Variants in FAM78B observed in about 807,000 individuals in gnomAD.
The protein encoded by FAM78B is family with sequence similarity 78 member B.
FAM78B carries 10 observed loss-of-function variants against 20.0 expected under a neutral mutation model. The observed-to-expected ratio is 0.50, with a 90% CI of 0.31 to 0.85. The LOEUF (loss-of-function observed/expected upper bound fraction) is 0.85, where lower values mean the gene tolerates loss of function less well. FAM78B is among the 40% of genes least tolerant of loss of function. FAM78B has a pLI of 0.05. For missense variants in FAM78B, 283 were observed against 345.0 expected, an observed-to-expected ratio of 0.82 and a Z score of 1.42; for synonymous variants, 135 against 132.8, an observed-to-expected ratio of 1.02 and a Z score of -0.12.
intron 1 of FAM78B, among the ~76,000 whole-genome samples, chr1:166,161,742 G>C (rs548006436): frequency 6.6e-6 from 1 of 152,204 alleles, no homozygotes; most frequent in Admixed American, 6.5e-5. Flanking sequence ...GGTTTCGCTT[G>C]AGCAACTCAA....
At position 166,124,750 on chromosome 1, in the gene FAM78B, C is replaced by T. The variant is rs12036621; in HGVS notation, c.263+41236G>A. On this transcript the variant is annotated intron_variant, in intron 1 of 1. Transcript: ENST00000354422. ...TGAAATACTGTCTGACAGAACTGAA[C>T]GGAACCTCCTCTGTTGGGCAGCAGC... Among the ~76,000 whole-genome samples, 47 of 152,296 alleles carry T rather than the reference C, an allele frequency of 3.1e-4. No individual in the cohort carries two copies. The East Asian group carries it at 4.6e-3, about 15-fold the overall frequency.
chr1:166,164,345 G>A (rs148212229), intron 1 of FAM78B, among the ~76,000 whole-genome samples: 1 of 152,220 alleles, frequency 6.6e-6, no homozygotes, highest in African/African-American at 2.4e-5. Flanking sequence ...GGCTTTCTCT[G>A]ACTTGGCTGG....
intron 1 of FAM78B, among the ~76,000 whole-genome samples, chr1:166,140,075 C>A (rs1290430249): frequency 6.6e-6 from 1 of 152,216 alleles, no homozygotes; most frequent in Non-Finnish European, 1.5e-5. Flanking sequence ...GCTTAGAGCA[C>A]ACGTTTCTGA....
chr1:166,077,205 G>A (rs1249471228), intron 1 of FAM78B, among the ~76,000 whole-genome samples: 1 of 152,200 alleles, frequency 6.6e-6, no homozygotes, highest in Non-Finnish European at 1.5e-5. Context: ...AAGGGGAGAA[G>A]AGAGATGAAG....
chr1:166,060,161 A>G (rs1044273058), exon 3 of FAM78B: 5 of 184,660 alleles, frequency 2.7e-5, no homozygotes, highest in African/African-American at 9.4e-5. Context: ...AAACCTAGAG[A>G]GGCCACCCAC....
intron 1 of FAM78B, among the ~76,000 whole-genome samples, chr1:166,152,705 A>C (rs1655730121): frequency 7.0e-6 from 1 of 143,876 alleles, no homozygotes. Flanking sequence ...TATTGATGGA[A>C]TCTCGCTCTG....
chr1:166,114,603 C>A (rs549342790), intron 1 of FAM78B, among the ~76,000 whole-genome samples: 34 of 152,204 alleles, frequency 2.2e-4, no homozygotes, highest in African/African-American at 8.2e-4. Context: ...AGGAGATTTC[C>A]AGCAGGACTT....
downstream of FAM78B, among the ~76,000 whole-genome samples, chr1:166,068,610 C>A (rs1202294418): frequency 6.6e-6 from 1 of 152,178 alleles, no homozygotes; most frequent in Non-Finnish European, 1.5e-5. Context: ...TTTTTATTCT[C>A]TATCCACAAA....
At chr1:166,071,858 G>T (rs1467680423) in intron 1 of FAM78B, among the ~76,000 whole-genome samples, 1 of 152,102 alleles carries the variant, frequency 6.6e-6, no homozygotes, top group East Asian at 1.9e-4. Context: ...GAGTTAGAAT[G>T]GAGAGGACTC....
intron 1 of FAM78B, among the ~76,000 whole-genome samples, chr1:166,094,689 C>T (rs183430292): frequency 1.0e-3 from 152 of 152,286 alleles, no homozygotes; most frequent in African/African-American, 3.6e-3. Flanking sequence ...TATATGGATG[C>T]TCCCATGAAT....
At chr1:166,118,712 C>T (rs568363089) in intron 1 of FAM78B, among the ~76,000 whole-genome samples, 7 of 152,050 alleles carry the variant, frequency 4.6e-5, no homozygotes, top group Non-Finnish European at 7.4e-5. Context: ...AAAATGTTTG[C>T]AACCCTTTGA....
chr1:166,157,046 G>C (rs1229821937), intron 1 of FAM78B, among the ~76,000 whole-genome samples: 2 of 93,506 alleles, frequency 2.1e-5, no homozygotes, highest in Admixed American at 2.1e-4. Context: ...AGGGGGGGGG[G>C]GGGCTCCAAT....
At chr1:166,164,401 T>G (rs983214361) in intron 1 of FAM78B, among the ~76,000 whole-genome samples, 3 of 152,232 alleles carry the variant, frequency 2.0e-5, no homozygotes, top group African/African-American at 7.2e-5. Context: ...GACACATGTG[T>G]TCACATATAA....
intron 1 of FAM78B, among the ~76,000 whole-genome samples, chr1:166,073,733 T>C (rs1245311512): frequency 6.6e-6 from 1 of 152,200 alleles, no homozygotes; most frequent in East Asian, 1.9e-4. Context: ...TCAAACTCCA[T>C]ATGGCTCAAA....
chr1:166,110,663 A>T (rs1223601610), intron 1 of FAM78B, among the ~76,000 whole-genome samples: 35 of 152,264 alleles, frequency 2.3e-4, no homozygotes, highest in African/African-American at 7.9e-4. Flanking sequence ...TCCAGCTTTG[A>T]ATGGAGCCAC....
chr1:166,163,868 T>G (rs1473891291), intron 1 of FAM78B, among the ~76,000 whole-genome samples: 2 of 152,182 alleles, frequency 1.3e-5, no homozygotes, highest in South Asian at 4.1e-4. Flanking sequence ...CTCCTACATC[T>G]ACATGAAAAC....
chr1:166,163,627 T>C (rs1656245520), intron 1 of FAM78B, among the ~76,000 whole-genome samples: 1 of 152,244 alleles, frequency 6.6e-6, no homozygotes, highest in Admixed American at 6.5e-5. Context: ...AAAGTAGACA[T>C]AATAACTAAT....
chr1:166,091,890 G>T (rs146828968), intron 1 of FAM78B, among the ~76,000 whole-genome samples: 1 of 152,164 alleles, frequency 6.6e-6, no homozygotes, highest in Non-Finnish European at 1.5e-5. Flanking sequence ...AAGTCCAACA[G>T]TTCATAAGTG....
At chr1:166,165,213 T>C (rs964022419) in intron 1 of FAM78B, 2 of 152,182 alleles carry the variant, frequency 1.3e-5, no homozygotes, top group African/African-American at 4.8e-5. Flanking sequence ...TAGGAAAGTT[T>C]TAAAAAGTAA....
Sources: allele counts gnomAD v4.1 joint callset (sites outside exome capture counted in the v4.1 genomes callset), GRCh38; gene constraint gnomAD v4.1.1; transcripts MANE v1.5; gene names NCBI Gene and HGNC (gene_info 2026-07-23, HGNC 2026-07-21).